Variants in KBTBD12 observed in about 807,000 individuals in gnomAD.
KBTBD12 encodes kelch repeat and BTB domain containing 12.
KBTBD12 carries 53 observed loss-of-function variants against 58.7 expected under a neutral mutation model. The observed-to-expected ratio is 0.90, with a 90% confidence interval of 0.72 to 1.14. KBTBD12 has a LOEUF of 1.14. Among genes scored for constraint, KBTBD12 ranks in the 50% most tolerant of loss-of-function variants. The probability of loss-of-function intolerance (pLI) is 0.00; values close to 1 mark genes in which losing one functional copy is unlikely to be tolerated. For synonymous variants in KBTBD12, 236 were observed against 259.8 expected, an observed-to-expected ratio of 0.91 and a Z score of 0.88; for missense variants, 704 against 751.3, an observed-to-expected ratio of 0.94 and a Z score of 0.74.
Position 127,923,278 on chromosome 3 carries a change from A to G in KBTBD12, c.217A>G (p.Ile73Val). 6.2e-7 allele frequency: 1 copy of G among 1,613,866 alleles called. No homozygotes were observed. The change falls in exon 2 of 6, where the codon ATA becomes GTA. Residue 73 changes from isoleucine (I) to valine (V), a missense_variant. Transcript: ENST00000405109. ...GLLECNQREVILYDITAESVS... is the reference protein window; with the variant it reads ...GLLECNQREVVLYDITAESVS... ...ACTTGAATGTAATCAAAGGGAAGTC[A>G]TACTTTATGACATCACAGCAGAAAG... is the stretch of plus-strand genomic sequence containing the variant.
chr3:127,925,438 G>A (rs1417609071), intron 2 of KBTBD12, among the ~76,000 whole-genome samples: 1 of 152,114 alleles, frequency 6.6e-6, no homozygotes, highest in Admixed American at 6.5e-5. Flanking sequence ...TGGTACTTCA[G>A]GTTCTTTACA....
In KBTBD12 at chr3:127,927,885, A is replaced by T. The variant is rs1015758834; in HGVS notation, c.1192A>T (p.Asn398Tyr). 6 of 1,613,564 alleles carry T rather than the reference A, an allele frequency of 3.7e-6. No homozygotes were observed. In the Admixed American group the frequency reaches 1.0e-4, roughly 27 times the overall value. ...YVIGGQMKIK[N>Y]QYLITNCVDK... ...TATAGGAGGACAGATGAAAATTAAA[A>T]ACCAGTATCTTATTACAAACTGTGT... Residue 398 changes from asparagine to tyrosine, a missense_variant, in exon 3 of 6, where the codon AAC becomes TAC. Physicochemically the swap from Asn to Tyr is moderately radical, Grantham distance 143. Coordinates refer to ENST00000405109, the MANE Select transcript of KBTBD12 (RefSeq NM_207335.4).
intron 5 of KBTBD12, among the ~76,000 whole-genome samples, chr3:127,980,571 C>A (rs1044078856): frequency 2.0e-5 from 3 of 152,204 alleles, no homozygotes; most frequent in African/African-American, 7.2e-5. Context: ...CTCAAGTGAT[C>A]TGCCCACCTT....
At chr3:127,938,212 TTA>T (rs1460965877) in intron 4 of KBTBD12, among the ~76,000 whole-genome samples, 1 of 152,188 alleles carries the variant, frequency 6.6e-6, no homozygotes, top group Non-Finnish European at 1.5e-5. Flanking sequence ...TTAAATTGAC[TTA>T]TAAAATAATA....
chr3:127,952,663 A>G (rs779327955), intron 4 of KBTBD12, among the ~76,000 whole-genome samples: 6 of 152,260 alleles, frequency 3.9e-5, no homozygotes, highest in Non-Finnish European at 8.8e-5. Context: ...AAGGTCTTTT[A>G]TCACAGCACC....
chr3:127,941,247 A>G (rs1366939467), intron 4 of KBTBD12, among the ~76,000 whole-genome samples: 1 of 152,214 alleles, frequency 6.6e-6, no homozygotes, highest in Non-Finnish European at 1.5e-5. Context: ...ACAGATCAAT[A>G]TCACTCTTAA....
intron 2 of KBTBD12, among the ~76,000 whole-genome samples, chr3:127,926,669 C>G (rs1939574025): frequency 6.6e-6 from 1 of 152,122 alleles, no homozygotes; most frequent in Non-Finnish European, 1.5e-5. Context: ...AAACTCCTAC[C>G]ATAGAATTAA....
intron 4 of KBTBD12, among the ~76,000 whole-genome samples, chr3:127,939,672 A>G (rs1939909143): frequency 6.6e-6 from 1 of 150,534 alleles, no homozygotes; most frequent in Non-Finnish European, 1.5e-5. Flanking sequence ...TAAATAATTT[A>G]AAAGAGATCA....
rs945225270 is a variant in KBTBD12, at chr3:127,984,928, C to T, written c.*650C>T. On this transcript the variant is annotated 3_prime_UTR_variant, in exon 6 of 6. Coordinates refer to ENST00000405109, the MANE Select transcript of KBTBD12 (RefSeq NM_207335.4). ...ACACTGACCATTCTCCTTCAGAATC[C>T]CCTTCTACTGAAGCAACGCCACCCA... The T allele has an allele frequency of 2.6e-5, 4 of 152,360 alleles. No individual in the cohort carries two copies. Among genetic ancestry groups the T allele is most frequent in the African/African-American group, 4.8e-5 (2 of 41,434 alleles). The allele number at this position is 152,360 out of a possible 1,614,324, so 9.4% of individuals were successfully genotyped here.
In KBTBD12 at chr3:127,963,279, G is replaced by C. The variant is rs747482815; in HGVS notation, c.1583G>C (p.Arg528Pro). 6.2e-6 allele frequency: 10 copies of C among 1,612,010 alleles called. No homozygotes were observed. The Admixed American group carries it at 6.7e-5, about 11-fold the overall frequency. Reference protein sequence around the residue: ...EIYNPDGDFWREGPPMPSPLL... With the variant: ...EIYNPDGDFWPEGPPMPSPLL... The stretch of plus-strand genomic sequence containing the variant: ...TACAACCCAGATGGGGACTTTTGGC[G>C]AGAGGGCCCTCCCATGCCAAGTCCC... The change falls in exon 5 of 6, where the codon CGA becomes CCA. Residue 528 changes from arginine to proline, a missense_variant. Physicochemically the swap from Arg to Pro is moderately radical, Grantham distance 103. Coordinates refer to ENST00000405109, the MANE Select transcript of KBTBD12 (RefSeq NM_207335.4).
intron 1 of KBTBD12, among the ~76,000 whole-genome samples, chr3:127,917,893 G>A (rs939978887): frequency 6.6e-6 from 1 of 152,198 alleles, no homozygotes. Flanking sequence ...CAACTCCTGT[G>A]TGCTAAGTGT....
At chr3:127,947,646 T>C (rs1166404417) in intron 4 of KBTBD12, among the ~76,000 whole-genome samples, 1 of 152,194 alleles carries the variant, frequency 6.6e-6, no homozygotes, top group Non-Finnish European at 1.5e-5. Flanking sequence ...AGAATCCAGA[T>C]TGCCCCATTA....
At position 127,984,480 on chromosome 3, in the gene KBTBD12, A is replaced by C; in HGVS notation, c.*202A>C. ...TTCCCAGCCTGATAGGGTAAATAAG[A>C]CACTACAAAGAAGAGGTGATGACGG... On this transcript the variant is annotated 3_prime_UTR_variant, in exon 6 of 6. Coordinates refer to ENST00000405109, the MANE Select transcript of KBTBD12 (RefSeq NM_207335.4). The C allele has an allele frequency of 1.9e-6, 1 of 519,502 alleles. No individual in the cohort carries two copies. The highest frequency in any genetic ancestry group is 5.2e-4 in the Middle Eastern group (1 of 1,906). The allele number at this position is 519,502 out of a possible 1,614,324, so 32.2% of individuals were successfully genotyped here.
chr3:127,976,049 T>C (rs1940777145), intron 5 of KBTBD12, among the ~76,000 whole-genome samples: 2 of 152,228 alleles, frequency 1.3e-5, no homozygotes, highest in Admixed American at 1.3e-4. Context: ...TGCTCAATCA[T>C]GCAATACCCA....
intron 5 of KBTBD12, among the ~76,000 whole-genome samples, chr3:127,978,125 T>C (rs1270111180): frequency 1.3e-5 from 2 of 152,200 alleles, no homozygotes; most frequent in Non-Finnish European, 2.9e-5. Flanking sequence ...TTGTTGAAAA[T>C]CAGATGGTTG....
rs575894626 is a variant in KBTBD12, at chr3:127,961,293, C to G, written c.1493-1896C>G. Among the ~76,000 whole-genome samples the G allele has an allele frequency of 2.0e-5, 3 of 152,286 alleles. No homozygotes were observed. The South Asian group carries it at 6.2e-4, about 32-fold the overall frequency. On this transcript the variant is annotated intron_variant, in intron 4 of 5. Coordinates refer to ENST00000405109, the MANE Select transcript of KBTBD12 (RefSeq NM_207335.4). ...CCACAGTGCCACATTGAAAGAGGGC[C>G]CAGGAACAGCAGAGCTGTGCCGTTA...
rs1194976348 is a variant in KBTBD12, at chr3:127,984,330, C to T, written c.*52C>T. On this transcript the variant is annotated 3_prime_UTR_variant, in exon 6 of 6. Transcript: ENST00000405109. The stretch of plus-strand genomic sequence containing the variant: ...TGTTCTGCAAACAAGGCCTTCAGAA[C>T]GGAGAGGGCCCACAGCATCTCTGTC... 7 of 1,500,734 alleles carry T rather than the reference C, an allele frequency of 4.7e-6. No homozygotes were observed. Among genetic ancestry groups the T allele is most frequent in the East Asian group, 4.5e-5 (2 of 44,210 alleles). 93.0% of individuals were successfully genotyped at this position (1,500,734 alleles called of 1,614,324 possible).
intron 4 of KBTBD12, among the ~76,000 whole-genome samples, chr3:127,951,586 T>A (rs139932157): frequency 6.6e-6 from 1 of 152,216 alleles, no homozygotes; most frequent in Non-Finnish European, 1.5e-5. Context: ...AAACCACTTC[T>A]GATGTTGACT....
At chr3:127,920,616 A>C (rs937447773) in intron 1 of KBTBD12, among the ~76,000 whole-genome samples, 2 of 152,134 alleles carry the variant, frequency 1.3e-5, no homozygotes, top group Non-Finnish European at 2.9e-5. Flanking sequence ...AGCAGTAAAA[A>C]TAATATAGTA....
Sources: allele counts gnomAD v4.1 joint callset (sites outside exome capture counted in the v4.1 genomes callset), GRCh38; gene constraint gnomAD v4.1.1; transcripts MANE v1.5; gene names NCBI Gene and HGNC (gene_info 2026-07-23, HGNC 2026-07-21).